The following ROBO1 variants were observed in gnomAD, a reference collection of about 807,000 sequenced individuals.
ROBO1 encodes the protein roundabout homolog 1.
A neutral mutation model predicts 195.9 loss-of-function variants in ROBO1; 149 were observed. The ratio of observed to expected loss-of-function variants is 0.76; its 90% confidence interval spans 0.67 to 0.87. The LOEUF (loss-of-function observed/expected upper bound fraction) is 0.87. Among genes scored for constraint, ROBO1 ranks in the 40% least tolerant of loss-of-function variants. The pLI, the probability that ROBO1 is intolerant of heterozygous loss-of-function variation, is 0.00. For missense variants in ROBO1, 1,933 were observed against 2,068.3 expected, an observed-to-expected ratio of 0.93 and a Z score of 1.27; for synonymous variants, 816 against 733.2, an observed-to-expected ratio of 1.11 and a Z score of -1.82.
chr3:79,688,191 G>A lies in ROBO1; in HGVS notation c.-51+79561C>T, dbSNP rs375180775. Among the ~76,000 whole-genome samples the A allele has an allele frequency of 9.2e-3, 1,306 of 141,590 alleles. 9 individuals are homozygous for A. The highest frequency in any genetic ancestry group is 0.039 in the Middle Eastern group (10 of 256). 92.9% of individuals were successfully genotyped at this position (141,590 alleles called of 152,430 possible). ...CAATGAAAACACATGGACACAGGAA[G>A]GGGAACATCACACACTGGGGCCTGT... On this transcript the variant is annotated intron_variant, in intron 1 of 30. Coordinates refer to ENST00000464233, the MANE Select transcript of ROBO1 (RefSeq NM_002941.4).
chr3:78,919,405 A>C (rs1191221006), intron 4 of ROBO1, among the ~76,000 whole-genome samples: 1 of 152,226 alleles, frequency 6.6e-6, no homozygotes, highest in Non-Finnish European at 1.5e-5. Flanking sequence ...GAATCAATTA[A>C]GTAGAATCAA....
rs148861185 is a variant in ROBO1, at chr3:79,357,344, T to A, written c.89-231805A>T. ...TCTATATATTTAAGGGGCAAAAACCTGTTAGATGTCCATCCCATGAGCAAC... is the reference window on the plus strand; with the variant it reads ...TCTATATATTTAAGGGGCAAAAACCAGTTAGATGTCCATCCCATGAGCAAC... On this transcript the variant is annotated intron_variant, in intron 2 of 30. Coordinates refer to ENST00000464233, the MANE Select transcript of ROBO1 (RefSeq NM_002941.4). 8.4e-4 allele frequency among the ~76,000 whole-genome samples: 128 copies of A among 152,236 alleles called. 3 individuals carry two copies. The East Asian group carries it at 0.024, about 28-fold the overall frequency.
intron 2 of ROBO1, among the ~76,000 whole-genome samples, chr3:79,210,386 T>C (rs2081947965): frequency 6.6e-6 from 1 of 152,130 alleles, no homozygotes; most frequent in Admixed American, 6.6e-5. Flanking sequence ...CCAACTTATC[T>C]TCAACAAAGC....
intron 29 of ROBO1, among the ~76,000 whole-genome samples, chr3:78,601,370 T>C (rs1016132373): frequency 1.3e-5 from 2 of 152,186 alleles, no homozygotes; most frequent in Admixed American, 1.3e-4. Context: ...GAAGCCAGTA[T>C]AGTCTTCCTT....
chr3:79,054,596 T>C (rs1017338384), intron 3 of ROBO1, among the ~76,000 whole-genome samples: 1 of 152,080 alleles, frequency 6.6e-6, no homozygotes, highest in African/African-American at 2.4e-5. Flanking sequence ...CCACTAATTC[T>C]TTTCTTGGAG....
chr3:79,553,345 C>T (rs1321672303), intron 2 of ROBO1, among the ~76,000 whole-genome samples: 1 of 152,026 alleles, frequency 6.6e-6, no homozygotes, highest in Non-Finnish European at 1.5e-5. Context: ...GATCAGATTT[C>T]TGACTCTATT....
intron 3 of ROBO1, among the ~76,000 whole-genome samples, chr3:79,074,232 C>T (rs374631881): frequency 2.0e-5 from 3 of 151,750 alleles, no homozygotes; most frequent in African/African-American, 7.3e-5. Flanking sequence ...GAGTTAAAGG[C>T]GCTCTCCATT....
intron 3 of ROBO1, among the ~76,000 whole-genome samples, chr3:79,082,788 G>A (rs2079298054): frequency 6.6e-6 from 1 of 152,134 alleles, no homozygotes; most frequent in African/African-American, 2.4e-5. Context: ...ATGGTATGGA[G>A]AGAGGCAGGT....
intron 4 of ROBO1, among the ~76,000 whole-genome samples, chr3:78,801,811 A>T (rs2084380222): frequency 6.6e-6 from 1 of 152,192 alleles, no homozygotes; most frequent in Non-Finnish European, 1.5e-5. Context: ...AAACAGGGAT[A>T]TTCTGAAAAC....
At chr3:79,471,901 T>A (rs1223856928) in intron 2 of ROBO1, among the ~76,000 whole-genome samples, 1 of 149,612 alleles carries the variant, frequency 6.7e-6, no homozygotes, top group African/African-American at 2.5e-5. Context: ...CATATGGACA[T>A]ATGGAGAGGA....
chr3:79,721,637 T>C lies in ROBO1; in HGVS notation c.-51+46115A>G, dbSNP rs369248016. Among the ~76,000 whole-genome samples the C allele has an allele frequency of 6.6e-5, 10 of 152,310 alleles. No individual in the cohort carries two copies. In the South Asian group the frequency reaches 2.1e-3, roughly 32 times the overall value. On this transcript the variant is annotated intron_variant, in intron 1 of 30. Coordinates refer to ENST00000464233, the MANE Select transcript of ROBO1 (RefSeq NM_002941.4). The stretch of plus-strand genomic sequence containing the variant: ...ATGATAGTGTCATCATCACTATCCC[T>C]GACATGTTGAACTTTTCTGCCCCTA...
At chr3:78,881,696 G>T (rs1207425277) in intron 4 of ROBO1, among the ~76,000 whole-genome samples, 1 of 152,080 alleles carries the variant, frequency 6.6e-6, no homozygotes, top group Non-Finnish European at 1.5e-5. Context: ...ATTATCGACT[G>T]CATCAGGCCC....
At chr3:78,916,343 A>AGG (rs2038585867) in intron 4 of ROBO1, among the ~76,000 whole-genome samples, 1 of 151,814 alleles carries the variant, frequency 6.6e-6, no homozygotes, top group South Asian at 2.1e-4. Flanking sequence ...ACCTGAGGTC[A>AGG]AAACTCGAGA....
intron 29 of ROBO1, among the ~76,000 whole-genome samples, chr3:78,601,186 T>G (rs1460000062): frequency 6.6e-6 from 1 of 152,176 alleles, no homozygotes; most frequent in Non-Finnish European, 1.5e-5. Context: ...TCCTCTACTA[T>G]TCACATTGCC....
At chr3:79,459,105 A>G (rs970916579) in intron 2 of ROBO1, among the ~76,000 whole-genome samples, 5 of 152,164 alleles carry the variant, frequency 3.3e-5, no homozygotes, top group Non-Finnish European at 7.4e-5. Flanking sequence ...GAAGTACAAT[A>G]TCAATATGCA....
At chr3:79,594,977 C>T (rs1241340759) in intron 1 of ROBO1, among the ~76,000 whole-genome samples, 4 of 151,836 alleles carry the variant, frequency 2.6e-5, no homozygotes, top group Non-Finnish European at 5.9e-5. Flanking sequence ...AAGATAATCT[C>T]ATTTTAAGGG....
intron 2 of ROBO1, among the ~76,000 whole-genome samples, chr3:79,398,304 A>C (rs1422977751): frequency 6.6e-6 from 1 of 152,176 alleles, no homozygotes; most frequent in Admixed American, 6.6e-5. Context: ...ATGAAAAGAA[A>C]GTGAATTACA....
chr3:78,674,434 C>T (rs1708271620), intron 10 of ROBO1, among the ~76,000 whole-genome samples: 1 of 152,140 alleles, frequency 6.6e-6, no homozygotes, highest in African/African-American at 2.4e-5. Context: ...CCAGCACTTG[C>T]AATAATTCTA....
chr3:78,676,211 C>G (rs1405919400), intron 10 of ROBO1, among the ~76,000 whole-genome samples: 2 of 152,082 alleles, frequency 1.3e-5, no homozygotes, highest in African/African-American at 4.8e-5. Flanking sequence ...GTAGATAAAA[C>G]CAGAAAGATG....
Sources: allele counts gnomAD v4.1 joint callset (sites outside exome capture counted in the v4.1 genomes callset), GRCh38; gene constraint gnomAD v4.1.1; transcripts MANE v1.5; gene names NCBI Gene and HGNC (gene_info 2026-07-23, HGNC 2026-07-21).